CTNNA3: variants seen among roughly 807,000 people sequenced by gnomAD.
The protein encoded by CTNNA3 is catenin alpha-3.
CTNNA3 carries 76 observed loss-of-function variants against 95.7 expected under a neutral mutation model. That is an observed-to-expected ratio of 0.79 (90% CI 0.66 to 0.96). CTNNA3 has a LOEUF of 0.96. CTNNA3 is among the 40% of genes least tolerant of loss of function. The probability of loss-of-function intolerance (pLI) is 0.00; values close to 1 mark genes in which losing one functional copy is unlikely to be tolerated. For missense variants in CTNNA3, 1,191 were observed against 1,089.8 expected, an observed-to-expected ratio of 1.09 and a Z score of -1.31; for synonymous variants, 431 against 374.4, an observed-to-expected ratio of 1.15 and a Z score of -1.74.
In CTNNA3 at chr10:66,540,040, T is replaced by C. The variant is rs556179021; in HGVS notation, c.1375-19267A>G. On this transcript the variant is annotated intron_variant, in intron 10 of 17. Coordinates refer to ENST00000433211, the MANE Select transcript of CTNNA3 (RefSeq NM_013266.4). Reference sequence around the variant, plus strand: ...TCTATCTTAGAAAGCTGACCTTCTTTTGTTTGTTATCACCAAACATTATCA... The same window carrying C: ...TCTATCTTAGAAAGCTGACCTTCTTCTGTTTGTTATCACCAAACATTATCA... Among the ~76,000 whole-genome samples, 9 of 152,230 alleles carry C rather than the reference T, an allele frequency of 5.9e-5. No individual in the cohort carries two copies. In the East Asian group the frequency reaches 1.7e-3, roughly 29 times the overall value.
At chr10:66,506,964 A>C (rs926601886) in intron 11 of CTNNA3, among the ~76,000 whole-genome samples, 25 of 152,164 alleles carry the variant, frequency 1.6e-4, no homozygotes, top group African/African-American at 5.8e-4. Context: ...AACTCCTATT[A>C]AATAAATATC....
At chr10:67,663,554 G>T (rs547835339) in intron 1 of CTNNA3, among the ~76,000 whole-genome samples, 2 of 152,180 alleles carry the variant, frequency 1.3e-5, no homozygotes, top group East Asian at 1.9e-4. Flanking sequence ...TGGGGCAGCC[G>T]CAGGAGGGGC....
chr10:67,438,956 G>A (rs1846401020), intron 5 of CTNNA3, among the ~76,000 whole-genome samples: 2 of 152,138 alleles, frequency 1.3e-5, no homozygotes, highest in South Asian at 4.1e-4. Context: ...GAGCTCTGGG[G>A]TCCTTGGTAA....
chr10:67,450,199 G>A (rs957375292), intron 5 of CTNNA3, among the ~76,000 whole-genome samples: 1 of 152,164 alleles, frequency 6.6e-6, no homozygotes, highest in Admixed American at 6.5e-5. Flanking sequence ...TTGTTGATGG[G>A]AGTGTAAGTT....
chr10:66,678,843 G>C (rs183766799), intron 9 of CTNNA3, among the ~76,000 whole-genome samples: 126 of 152,250 alleles, frequency 8.3e-4, no homozygotes, highest in Non-Finnish European at 1.6e-3. Flanking sequence ...GTGTGTGTGT[G>C]TGCACGCAAG....
chr10:67,012,434 T>C (rs1180170892), intron 7 of CTNNA3: 3 of 152,212 alleles, frequency 2.0e-5, no homozygotes, highest in African/African-American at 7.2e-5. Context: ...TAATATAAAT[T>C]GTTATAGCTC....
At chr10:67,158,553 A>G (rs1002077471) in intron 7 of CTNNA3, among the ~76,000 whole-genome samples, 3 of 152,214 alleles carry the variant, frequency 2.0e-5, no homozygotes, top group Admixed American at 2.0e-4. Flanking sequence ...ATAGATAATC[A>G]AAGGCAAGTA....
chr10:66,658,013 T>G (rs1325691474), intron 9 of CTNNA3, among the ~76,000 whole-genome samples: 1 of 152,134 alleles, frequency 6.6e-6, no homozygotes, highest in Admixed American at 6.6e-5. Context: ...AAAACAAAGA[T>G]GGAGATGTGG....
At chr10:67,442,053 C>T (rs1381915803) in intron 5 of CTNNA3, among the ~76,000 whole-genome samples, 1 of 152,000 alleles carries the variant, frequency 6.6e-6, no homozygotes, top group Non-Finnish European at 1.5e-5. Flanking sequence ...AGAGAAACAA[C>T]CAAATGATAA....
At chr10:67,297,395 A>G (rs1840086517) in intron 5 of CTNNA3, among the ~76,000 whole-genome samples, 1 of 152,134 alleles carries the variant, frequency 6.6e-6, no homozygotes, top group African/African-American at 2.4e-5. Context: ...CTTTACTTCT[A>G]TAGGAAATTA....
At chr10:66,962,981 T>A (rs1849201995) in intron 7 of CTNNA3, among the ~76,000 whole-genome samples, 1 of 152,108 alleles carries the variant, frequency 6.6e-6, no homozygotes, top group Admixed American at 6.5e-5. Flanking sequence ...GTTGACTGAA[T>A]GAATGAATGA....
At chr10:66,330,298 C>T (rs1480876872) in intron 12 of CTNNA3, among the ~76,000 whole-genome samples, 1 of 151,498 alleles carries the variant, frequency 6.6e-6, no homozygotes, top group Non-Finnish European at 1.5e-5. Context: ...CAATTCCTAC[C>T]TATGAGTGAG....
intron 7 of CTNNA3, among the ~76,000 whole-genome samples, chr10:67,029,918 C>A (rs951834413): frequency 6.6e-6 from 1 of 152,216 alleles, no homozygotes; most frequent in Non-Finnish European, 1.5e-5. Context: ...TATAGAACAG[C>A]CCCATGGCTG....
intron 11 of CTNNA3, among the ~76,000 whole-genome samples, chr10:66,385,665 T>C (rs2092884154): frequency 6.6e-6 from 1 of 152,192 alleles, no homozygotes; most frequent in Non-Finnish European, 1.5e-5. Flanking sequence ...TCAATATCCC[T>C]GATGAAGATT....
chr10:66,826,985 T>C (rs1326620835), intron 7 of CTNNA3, among the ~76,000 whole-genome samples: 2 of 152,216 alleles, frequency 1.3e-5, no homozygotes, highest in African/African-American at 2.4e-5. Context: ...AAGTTACTTA[T>C]GATTTTCCAA....
At chr10:67,658,028 C>T (rs918876999) in intron 1 of CTNNA3, among the ~76,000 whole-genome samples, 1 of 152,094 alleles carries the variant, frequency 6.6e-6, no homozygotes, top group Non-Finnish European at 1.5e-5. Context: ...CCATGTGAGA[C>T]ATCCTTTCGC....
At chr10:66,120,613 AAT>A (rs1402480186) in intron 13 of CTNNA3, among the ~76,000 whole-genome samples, 1 of 152,180 alleles carries the variant, frequency 6.6e-6, no homozygotes, top group Admixed American at 6.5e-5. Flanking sequence ...GATTATAAAT[AAT>A]ATGATTATAA....
chr10:66,566,014 C>A (rs377562565), intron 10 of CTNNA3, among the ~76,000 whole-genome samples: 1 of 152,092 alleles, frequency 6.6e-6, no homozygotes, highest in Admixed American at 6.5e-5. Flanking sequence ...GAAACCAGAA[C>A]GCTAACGGAT....
At chr10:67,085,673 A>T (rs1430415414) in intron 7 of CTNNA3, among the ~76,000 whole-genome samples, 1 of 152,062 alleles carries the variant, frequency 6.6e-6, no homozygotes, top group Non-Finnish European at 1.5e-5. Flanking sequence ...ATATTAGCTC[A>T]TCCCTTATTA....
Sources: allele counts gnomAD v4.1 joint callset (sites outside exome capture counted in the v4.1 genomes callset), GRCh38; gene constraint gnomAD v4.1.1; transcripts MANE v1.5; gene names NCBI Gene and HGNC (gene_info 2026-07-23, HGNC 2026-07-21).